CACNA1E: variants seen among roughly 807,000 people sequenced by gnomAD.
The protein encoded by CACNA1E is voltage-dependent R-type calcium channel subunit alpha-1E.
Under a neutral mutation model 259.2 loss-of-function variants are expected in CACNA1E, and 40 were observed. The observed-to-expected ratio is 0.15, with a 90% CI of 0.12 to 0.20. CACNA1E has a LOEUF of 0.20. Among genes scored for constraint, CACNA1E ranks in the 10% least tolerant of loss-of-function variants. CACNA1E has a pLI of 1.00. For missense variants in CACNA1E, 1,874 were observed against 3,040.1 expected (o/e 0.62, Z 9.02); for synonymous variants, 1,104 against 1,138.5 (o/e 0.97, Z 0.61).
At chr1:181,559,318 A>C (rs750933350) in intron 3 of CACNA1E, among the ~76,000 whole-genome samples, 3 of 152,180 alleles carry the variant, frequency 2.0e-5, no homozygotes, top group Non-Finnish European at 4.4e-5. Flanking sequence ...GCTGTTGGAG[A>C]GTGGAAATGC....
chr1:181,715,982 C>T (rs1653850153), intron 9 of CACNA1E, 58 bp from the exon 10 acceptor site: 3 of 1,242,592 alleles, frequency 2.4e-6, no homozygotes, highest in Non-Finnish European at 1.2e-6. Flanking sequence ...AAAATTTTGT[C>T]CAGAATGGTC....
chr1:181,771,953 A>G (rs2102770038), intron 36 of CACNA1E, 113 bp from the exon 37 acceptor site: 1 of 913,760 alleles, frequency 1.1e-6, no homozygotes, highest in Non-Finnish European at 1.7e-6. Flanking sequence ...GGGTAAAAAG[A>G]GAGCCTGTTG....
intron 16 of CACNA1E, among the ~76,000 whole-genome samples, chr1:181,723,854 G>T (rs73043486): frequency 0.017 from 2,579 of 152,322 alleles, 57 homozygotes; most frequent in African/African-American, 0.055. Flanking sequence ...GGGAGTGCCA[G>T]TCTCCAGGAA....
At position 181,736,127 on chromosome 1, in the gene CACNA1E, T is replaced by C. The variant is rs1281982513; in HGVS notation, c.3263-148T>C. The C allele has an allele frequency of 4.9e-6, 4 of 812,254 alleles. No homozygotes were observed. The African/African-American group carries it at 7.0e-5, about 14-fold the overall frequency. The allele number at this position is 812,254 out of a possible 1,614,324, so 50.3% of individuals were successfully genotyped here. On this transcript the variant is annotated intron_variant, in intron 21 of 47. Transcript: ENST00000367573. The stretch of plus-strand genomic sequence containing the variant: ...AGGAGTTTAACTCAGTGTCAGGTAG[T>C]AAATACCCCCAGTGCCTGCAGGGCA...
Position 181,732,400 on chromosome 1 carries a change from C to T in CACNA1E, c.2314C>T (p.Arg772Trp), listed in dbSNP as rs1355669731. ...CCTTGGCAGGAGGGAGCGGAGGCGC[C>T]GGCACCACATGTCCGTGTGGGAGCA... Reference protein sequence around the residue: ...RSSHLRERRRRHHMSVWEQRT... With the variant: ...RSSHLRERRRWHHMSVWEQRT... Residue 772 changes from arginine to tryptophan, a missense_variant, in exon 20 of 48, where the codon CGG (arginine) becomes TGG (tryptophan). Physicochemically the swap from Arg to Trp is moderately radical, Grantham distance 101. Around this residue, in one of 14 missense-constraint regions of CACNA1E, gnomAD observed 476 missense variants for 514.0 expected, o/e 0.93. Transcript: ENST00000367573. This position sits in a 1 kb window ranked among gnomAD's most constrained non-coding sequence, Gnocchi z 5.5. 4.6e-6 allele frequency: 7 copies of T among 1,531,324 alleles called. No homozygotes were observed. Among genetic ancestry groups the T allele is most frequent in the Non-Finnish European group, 6.2e-6 (7 of 1,137,596 alleles). 94.9% of individuals were successfully genotyped at this position (1,531,324 alleles called of 1,614,324 possible).
In CACNA1E at chr1:181,510,912, T is replaced by C. The variant is rs145834896; in HGVS notation, c.372+330T>C. On this transcript the variant is annotated intron_variant, in intron 2 of 47. Transcript: ENST00000367573. ...GGATGAAGGATGCTCAGTGCTTGTG[T>C]GTATTTGTGGTTATGAACTTCCCAA... Among the ~76,000 whole-genome samples the C allele has an allele frequency of 5.3e-5, 8 of 152,302 alleles. No homozygotes were observed. In the East Asian group the frequency reaches 1.3e-3, roughly 26 times the overall value.
In CACNA1E at chr1:181,641,696, A is replaced by ATTTTTTTTT. The variant is rs1369217611; in HGVS notation, c.952-9636_952-9635insTTTTTTTTT. Among the ~76,000 whole-genome samples the ATTTTTTTTT allele has an allele frequency of 6.7e-5, 7 of 104,082 alleles. 1 individual carries two copies. The highest frequency in any genetic ancestry group is 2.8e-4 in the African/African-American group (7 of 24,720). The allele number at this position is 104,082 out of a possible 152,430, so 68.3% of individuals were successfully genotyped here. On this transcript the variant is annotated intron_variant, in intron 6 of 47. Transcript: ENST00000367573. The stretch of plus-strand genomic sequence containing the variant: ...CAAATGAGATCATGAGGCAACACTA[A>ATTTTTTTTT]TTTTTTGTTTTTTTTTTTTTTTTTT...
rs142744887 is a variant in CACNA1E at position 181,377,986 on chromosome 1, C to T, written c.-14-35147C>T. Among the ~76,000 whole-genome samples, 116 of 152,298 alleles carry T rather than the reference C, an allele frequency of 7.6e-4. 2 individuals are homozygous for T. The highest frequency in any genetic ancestry group is 2.7e-3 in the African/African-American group (112 of 41,558). On this transcript the variant is annotated intron_variant, in intron 1 of 11. Coordinates refer to the CACNA1E transcript ENST00000524607. ...ATAAATAAAATGCACATAGTTTTGT[C>T]CTTCATCATTTAGTTAATCGGAAAT...
intron 7 of CACNA1E, among the ~76,000 whole-genome samples, chr1:181,700,342 G>T (rs955709607): frequency 8.5e-5 from 13 of 152,200 alleles, no homozygotes; most frequent in African/African-American, 3.1e-4. Flanking sequence ...GGCACAGGGT[G>T]TGTGCCCCCT....
intron 7 of CACNA1E, among the ~76,000 whole-genome samples, chr1:181,681,169 C>T (rs538436239): frequency 1.3e-5 from 2 of 152,278 alleles, no homozygotes; most frequent in South Asian, 4.1e-4. Flanking sequence ...GGTGGTTCTC[C>T]ACAGGGAGCT....
intron 25 of CACNA1E, among the ~76,000 whole-genome samples, chr1:181,743,208 C>T (rs375819217): frequency 3.3e-5 from 5 of 152,340 alleles, no homozygotes. Context: ...TGTTTGCTGA[C>T]TATAAATGTC....
intron 2 of CACNA1E, among the ~76,000 whole-genome samples, chr1:181,458,625 T>C (rs901769295): frequency 1.3e-5 from 2 of 152,220 alleles, no homozygotes; most frequent in Non-Finnish European, 2.9e-5. Context: ...CCTTGACACC[T>C]ATGAGCTAAG....
chr1:181,499,707 G>T (rs1665079617), intron 1 of CACNA1E, among the ~76,000 whole-genome samples: 1 of 152,196 alleles, frequency 6.6e-6, no homozygotes, highest in Non-Finnish European at 1.5e-5. Context: ...TACCTAGACT[G>T]CAGCCAAGAC....
At chr1:181,432,243 T>C (rs554650343) in intron 2 of CACNA1E, among the ~76,000 whole-genome samples, 4 of 152,174 alleles carry the variant, frequency 2.6e-5, no homozygotes, top group Admixed American at 6.5e-5. Flanking sequence ...CAAGAGACCT[T>C]CCTGAAGCCA....
chr1:181,658,913 G>A (rs1659428385), intron 7 of CACNA1E, among the ~76,000 whole-genome samples: 1 of 152,016 alleles, frequency 6.6e-6, no homozygotes, highest in South Asian at 2.1e-4. Flanking sequence ...TTCAGCAGCA[G>A]CCAGTCCTGT....
chr1:181,458,994 C>G (rs144105996), intron 2 of CACNA1E, among the ~76,000 whole-genome samples: 68 of 152,290 alleles, frequency 4.5e-4, no homozygotes, highest in Non-Finnish European at 7.2e-4. Context: ...TCTCAAGGAG[C>G]TTACATTCAT....
At chr1:181,709,302 C>T (rs187657771) in intron 7 of CACNA1E, among the ~76,000 whole-genome samples, 7 of 152,204 alleles carry the variant, frequency 4.6e-5, no homozygotes, top group African/African-American at 1.4e-4. Context: ...TTGACTCTTT[C>T]CTTCCCTTCC....
At chr1:181,703,819 G>A (rs1652518660) in intron 7 of CACNA1E, among the ~76,000 whole-genome samples, 1 of 148,904 alleles carries the variant, frequency 6.7e-6, no homozygotes, top group Admixed American at 6.7e-5. Context: ...GCCGGTCTTG[G>A]ACAGGTGATC....
In CACNA1E at chr1:181,799,157, AAGC is replaced by A; in HGVS notation, c.*324_*326del. 9.1e-6 allele frequency: 2 copies of A among 218,866 alleles called. No homozygotes were observed. Among genetic ancestry groups the A allele is most frequent in the Non-Finnish European group, 1.8e-5 (2 of 111,072 alleles). 13.6% of individuals were successfully genotyped at this position (218,866 alleles called of 1,614,324 possible). A position where few individuals can be genotyped will look rare whatever the true frequency, so the allele number is the denominator to read the frequency against. ...CCCTTGCCCCTTCCCACTTTTCTAA[AAGC>A]TGTGGAGGGATCTAGCTGGCCTATG... On this transcript the variant is annotated 3_prime_UTR_variant, in exon 48 of 48. Transcript: ENST00000367573.
Sources: gnomAD v4.1 joint callset for allele counts (sites outside exome capture counted in the v4.1 genomes callset) on GRCh38, gnomAD v4.1.1 for gene constraint, gnomAD v4.1.1 regional missense constraint, Gnocchi (gnomAD v3.1) non-coding constraint, MANE v1.5 for transcripts, NCBI Gene and HGNC (gene_info 2026-07-23, HGNC 2026-07-21) for gene names.